The following PPP1R7 variants were observed in gnomAD, a reference collection of about 807,000 sequenced individuals.
PPP1R7 encodes the protein protein phosphatase 1 regulatory subunit 22.
In PPP1R7, 18 loss-of-function variants were observed where a neutral mutation model predicts 45.2. The ratio of observed to expected loss-of-function variants is 0.40; its 90% CI spans 0.28 to 0.59. The LOEUF (loss-of-function observed/expected upper bound fraction) is 0.59. Among genes scored for constraint, PPP1R7 ranks in the 20% least tolerant of loss-of-function variants. The pLI is 0.46. For synonymous variants in PPP1R7, 181 were observed against 183.4 expected (o/e 0.99, Z 0.11); for missense variants, 314 against 455.8 (o/e 0.69, Z 2.83).
At chr2:241,154,977 CAAG>C (rs1358121664) in intron 2 of PPP1R7, 3 of 152,162 alleles carry the variant, frequency 2.0e-5, no homozygotes, top group Admixed American at 1.3e-4. Flanking sequence ...TTTTAAGTCA[CAAG>C]GAGATTACCA....
At chr2:241,149,702 A>C (rs1251875391), upstream of PPP1R7, 3 of 1,551,146 alleles carry the variant, frequency 1.9e-6, no homozygotes, top group Non-Finnish European at 2.6e-6. Context: ...ACTCGCGATC[A>C]AAATGGGTGA....
chr2:241,158,350 T>C (rs1228795872), intron 3 of PPP1R7, 134 bp from the exon 4 acceptor site: 4 of 758,892 alleles, frequency 5.3e-6, no homozygotes, highest in Non-Finnish European at 9.2e-6. Context: ...ACCTTGTCAC[T>C]GACATCTGTC....
chr2:241,183,433 A>G lies in PPP1R7; in HGVS notation c.*610A>G, dbSNP rs540475922. On this transcript the variant is annotated 3_prime_UTR_variant, in exon 10 of 10. Transcript: ENST00000234038. ...CTGACTGTTTTCACGTGTGCCCGTC[A>G]GTTCTCGCCACATCCCTTGCCTGTG... 11 of 471,196 alleles carry G rather than the reference A, an allele frequency of 2.3e-5. No individual in the cohort carries two copies. The highest frequency in any genetic ancestry group is 3.2e-4 in the Middle Eastern group (1 of 3,078). 29.2% of individuals were successfully genotyped at this position (471,196 alleles called of 1,614,324 possible). A position where few individuals can be genotyped will look rare whatever the true frequency, so the allele number is the denominator to read the frequency against.
At chr2:241,169,547 G>C (rs1022531843) in intron 8 of PPP1R7, among the ~76,000 whole-genome samples, 1 of 152,100 alleles carries the variant, frequency 6.6e-6, no homozygotes, top group African/African-American at 2.4e-5. Flanking sequence ...AAATTCCAGC[G>C]ATCAGGAGAG....
At chr2:241,167,042 C>T in intron 8 of PPP1R7, 1 of 1,612,316 alleles carries the variant, frequency 6.2e-7, no homozygotes, top group Middle Eastern at 1.7e-4. Flanking sequence ...CCTTCTCACT[C>T]AGGTGCAGGA....
chr2:241,155,512 G>A (rs2067434747), intron 2 of PPP1R7, among the ~76,000 whole-genome samples: 2 of 152,178 alleles, frequency 1.3e-5, no homozygotes, highest in Admixed American at 1.3e-4. Context: ...ATTTAATCAT[G>A]TCAACTGTTA....
intron 2 of PPP1R7, among the ~76,000 whole-genome samples, chr2:241,154,605 TG>T (rs1199196423): frequency 2.0e-5 from 3 of 152,194 alleles, no homozygotes; most frequent in African/African-American, 7.2e-5. Flanking sequence ...CTCAGGAGGC[TG>T]AGGCAGGAGA....
chr2:241,177,185 C>A (rs191738855), intron 9 of PPP1R7, among the ~76,000 whole-genome samples: 1 of 151,724 alleles, frequency 6.6e-6, no homozygotes, highest in Non-Finnish European at 1.5e-5. Flanking sequence ...GAGCCAAGAT[C>A]GTGCCACTGC....
intron 1 of PPP1R7, among the ~76,000 whole-genome samples, chr2:241,152,360 T>G (rs1397959061): frequency 6.6e-6 from 1 of 152,184 alleles, no homozygotes; most frequent in Non-Finnish European, 1.5e-5. Context: ...ATTTGGATTT[T>G]AGAATTAGAT....
chr2:241,162,470 G>A (rs925070022), intron 6 of PPP1R7, among the ~76,000 whole-genome samples: 10 of 152,154 alleles, frequency 6.6e-5, no homozygotes, highest in East Asian at 1.9e-4. Flanking sequence ...ACAGGGCAGC[G>A]TGGTCACTGC....
rs780243055 is a variant in PPP1R7 at position 241,150,474 on chromosome 2, G to C, written c.-22G>C. 5 of 1,589,122 alleles carry C rather than the reference G, an allele frequency of 3.1e-6. No homozygotes were observed. In the East Asian group the frequency reaches 9.5e-5, roughly 30 times the overall value. ...TGAGGGGTCTGAGGCGACAGATTCC[G>C]GAAAGGGGAAGAGCAGCCAACATGG... On this transcript the variant is annotated 5_prime_UTR_variant, in exon 1 of 10. Transcript: ENST00000234038.
intron 8 of PPP1R7, chr2:241,167,313 A>G (rs1342679017): frequency 2.4e-6 from 1 of 409,556 alleles, no homozygotes; most frequent in Non-Finnish European, 4.3e-6. Flanking sequence ...TTTCACCAAC[A>G]CCTGCATAAA....
chr2:241,159,124 A>G, intron 4 of PPP1R7, 89 bp from the exon 5 acceptor site: 2 of 1,443,112 alleles, frequency 1.4e-6, no homozygotes, highest in Non-Finnish European at 1.9e-6. Flanking sequence ...TCTACCAGAA[A>G]GGCCTTTCTT....
At chr2:241,154,237 T>C (rs554485987) in intron 2 of PPP1R7, among the ~76,000 whole-genome samples, 2 of 150,906 alleles carry the variant, frequency 1.3e-5, no homozygotes, top group South Asian at 2.1e-4. Flanking sequence ...ATTGTTATAT[T>C]AACCATATGT....
intron 1 of PPP1R7, chr2:241,151,666 C>T: frequency 2.3e-6 from 1 of 430,254 alleles, no homozygotes. Flanking sequence ...TCATATCCTC[C>T]CACTCCCTCT....
intron 4 of PPP1R7, 52 bp from the exon 5 acceptor site, chr2:241,159,158 CCTT>C: frequency 6.3e-7 from 1 of 1,588,240 alleles, no homozygotes; most frequent in Non-Finnish European, 8.6e-7. Context: ...TCAGCTGAGG[CCTT>C]CTCGTGGCCT....
chr2:241,173,027 C>CA, intron 9 of PPP1R7, among the ~76,000 whole-genome samples: 1 of 151,732 alleles, frequency 6.6e-6, no homozygotes, highest in Non-Finnish European at 1.5e-5. Context: ...CACGGTGGCT[C>CA]ACACCTGTAA....
chr2:241,164,919 G>T (rs2067672195), intron 7 of PPP1R7, among the ~76,000 whole-genome samples: 1 of 151,818 alleles, frequency 6.6e-6, no homozygotes, highest in South Asian at 2.1e-4. Context: ...ATGGTGGCGG[G>T]CGCCTGTAAT....
intron 6 of PPP1R7, among the ~76,000 whole-genome samples, 193 bp downstream of exon 6, chr2:241,160,687 A>G (rs1025343445): frequency 1.3e-5 from 2 of 152,214 alleles, no homozygotes; most frequent in Admixed American, 6.5e-5. Context: ...GTAAGTCCTG[A>G]GTGGTCTAGC....
Sources: allele counts gnomAD v4.1 joint callset (sites outside exome capture counted in the v4.1 genomes callset), GRCh38; gene constraint gnomAD v4.1.1; transcripts MANE v1.5; gene names NCBI Gene and HGNC (gene_info 2026-07-23, HGNC 2026-07-21).